CD5: variants seen among roughly 807,000 people sequenced by gnomAD.
CD5 encodes T-cell surface glycoprotein CD5.
Under a neutral mutation model 60.3 loss-of-function variants are expected in CD5, and 36 were observed. The ratio of observed to expected loss-of-function variants is 0.60; its 90% CI spans 0.46 to 0.79. The LOEUF is 0.79. CD5 is among the 30% of genes least tolerant of loss of function. CD5 has a pLI of 0.00. For synonymous variants in CD5, 230 were observed against 257.6 expected, an observed-to-expected ratio of 0.89 and a Z score of 1.03; for missense variants, 540 against 630.6, an observed-to-expected ratio of 0.86 and a Z score of 1.54.
chr11:61,112,345 C>T (rs1212507977), intron 1 of CD5, among the ~76,000 whole-genome samples: 1 of 152,128 alleles, frequency 6.6e-6, no homozygotes. Context: ...CTGCCCACTG[C>T]AATAGATCAG....
Position 61,119,446 on chromosome 11 carries a change from G to A in CD5, c.676G>A (p.Glu226Lys), listed in dbSNP as rs867419988. 1 of 1,614,216 alleles carries A rather than the reference G, an allele frequency of 6.2e-7. No homozygotes were observed. The highest frequency in any genetic ancestry group is 1.3e-5 in the African/African-American group (1 of 75,070). The change falls in exon 5 of 11, where the codon GAG becomes AAG. Residue 226 changes from glutamate to lysine, a missense_variant. Physicochemically the swap from Glu to Lys is moderately conservative, Grantham distance 56. Coordinates refer to ENST00000347785, the MANE Select transcript of CD5 (RefSeq NM_014207.4). ...TEAGRAQDPGEPREHQPLPIQ... is the reference protein window; with the variant it reads ...TEAGRAQDPGKPREHQPLPIQ... ...GGCAGGCAGAGCCCAAGACCCAGGG[G>A]AGCCACGGGAACACCAGCCCTTGCC...
chr11:61,114,454 G>GCATGCATA (rs1860906598), intron 1 of CD5, among the ~76,000 whole-genome samples: 2 of 151,154 alleles, frequency 1.3e-5, no homozygotes, highest in African/African-American at 4.9e-5. Flanking sequence ...ACACATACAT[G>GCATGCATA]CATACATACA....
chr11:61,104,062 G>C (rs944417162), intron 1 of CD5, among the ~76,000 whole-genome samples: 1 of 127,184 alleles, frequency 7.9e-6, no homozygotes, highest in African/African-American at 3.4e-5. Context: ...GTGTGAGTCT[G>C]TGTGTGAGTC....
chr11:61,118,125 G>A lies in CD5; in HGVS notation c.95-50G>A. Reference sequence around the variant, plus strand: ...AGGGAGAGGGCAGTGAGGGGTGCCAGTGGGGAACCCCTCCCAGCCTGACCC... The same window carrying A: ...AGGGAGAGGGCAGTGAGGGGTGCCAATGGGGAACCCCTCCCAGCCTGACCC... On this transcript the variant is annotated intron_variant, in intron 2 of 10. Coordinates refer to ENST00000347785, the MANE Select transcript of CD5 (RefSeq NM_014207.4). The surrounding 1 kb of genome is among the most constrained non-coding windows in gnomAD (Gnocchi z 4.7). 1 of 1,566,342 alleles carries A rather than the reference G, an allele frequency of 6.4e-7. No individual in the cohort carries two copies. Among genetic ancestry groups the A allele is most frequent in the Non-Finnish European group, 8.7e-7 (1 of 1,147,384 alleles).
Position 61,127,744 on chromosome 11 carries a change from T to C in CD5, c.*1459T>C, listed in dbSNP as rs1861172764. ...GCCAGTGTCTCCCATCAGTGCCTTT[T>C]TTAATAAAAGCTCTTTCATCTATAG... On this transcript the variant is annotated 3_prime_UTR_variant, in exon 11 of 11. Transcript: ENST00000347785. 6.6e-6 allele frequency: 1 copy of C among 152,192 alleles called. No homozygotes were observed. Among genetic ancestry groups the C allele is most frequent in the South Asian group, 2.1e-4 (1 of 4,824 alleles). The allele number at this position is 152,192 out of a possible 1,614,324, so 9.4% of individuals were successfully genotyped here.
chr11:61,116,430 C>T (rs1860946811), intron 2 of CD5, among the ~76,000 whole-genome samples: 1 of 143,992 alleles, frequency 6.9e-6, no homozygotes, highest in African/African-American at 2.6e-5. Flanking sequence ...CACACAACCA[C>T]ACCACACACA....
rs1472877031 is a variant in CD5 at position 61,118,838 on chromosome 11, G to A, written c.401-77G>A. The stretch of plus-strand genomic sequence containing the variant: ...GCGGCACTCATGCCAGGAGCTCCTG[G>A]TCCTCTCAAGGCTGCTGGCTGCCCC... On this transcript the variant is annotated intron_variant, in intron 3 of 10. Transcript: ENST00000347785. This position sits in a 1 kb window ranked among gnomAD's most constrained non-coding sequence, Gnocchi z 4.7. The A allele has an allele frequency of 3.5e-5, 35 of 1,004,900 alleles. No homozygotes were observed. The Admixed American group carries it at 6.8e-4, about 19-fold the overall frequency. The allele number at this position is 1,004,900 out of a possible 1,614,324, so 62.2% of individuals were successfully genotyped here.
chr11:61,099,021 C>T (rs1860620406), upstream of CD5, among the ~76,000 whole-genome samples: 1 of 152,086 alleles, frequency 6.6e-6, no homozygotes, highest in Non-Finnish European at 1.5e-5. Flanking sequence ...CATCTGGGAG[C>T]ACAAAGGATG....
intron 1 of CD5, among the ~76,000 whole-genome samples, chr11:61,114,329 G>C (rs1205536408): frequency 6.6e-6 from 1 of 151,998 alleles, no homozygotes; most frequent in Non-Finnish European, 1.5e-5. Context: ...TGAGTGCTGT[G>C]GCTCACACAT....
upstream of CD5, chr11:61,102,259 T>C (rs935182372): frequency 2.2e-6 from 1 of 444,578 alleles, no homozygotes; most frequent in African/African-American, 2.0e-5. Flanking sequence ...CCCTCCAGGA[T>C]GCATGGCCTT....
At chr11:61,098,610 C>G (rs1292216348), upstream of CD5, among the ~76,000 whole-genome samples, 1 of 152,172 alleles carries the variant, frequency 6.6e-6, no homozygotes, top group Non-Finnish European at 1.5e-5. Context: ...CTGTTCCATT[C>G]TAATTATCAG....
Position 61,118,917 on chromosome 11 carries a change from C to G in CD5, c.403C>G (p.Pro135Ala). The stretch of plus-strand genomic sequence containing the variant: ...CTCACCAGAGTGTCTCATTGCAGAA[C>G]CCCAGAAGACAACACCTCCAACGAC... Reference protein sequence around the residue: ...CHSLGLTCLEPQKTTPPTTRP... With the variant: ...CHSLGLTCLEAQKTTPPTTRP... Residue 135 changes from proline (P) to alanine (A), a missense_variant and splice_region_variant, in exon 4 of 11, where the codon CCC (proline) becomes GCC (alanine). Physicochemically the swap from Pro to Ala is conservative, Grantham distance 27 (BLOSUM62 -1). Transcript: ENST00000347785. This position sits in a 1 kb window ranked among gnomAD's most constrained non-coding sequence, Gnocchi z 4.7. The G allele has an allele frequency of 6.2e-7, 1 of 1,613,554 alleles. No homozygotes were observed. The highest frequency in any genetic ancestry group is 8.5e-7 in the Non-Finnish European group (1 of 1,179,610).
At chr11:61,123,812 T>TGGC in intron 7 of CD5, 72 bp from the exon 8 acceptor site, 1 of 339,970 alleles carries the variant, frequency 2.9e-6, no homozygotes, top group Non-Finnish European at 5.5e-6. Flanking sequence ...CCCAGCCCCA[T>TGGC]CCCCACCCCT....
At position 61,119,314 on chromosome 11, in the gene CD5, GGGGGTACCATCAGCTATGA is replaced by G; in HGVS notation, c.547_565del (p.Gly183ProfsTer22). On this transcript the variant is annotated frameshift_variant, in exon 5 of 11. Transcript: ENST00000347785. LOFTEE classifies it high-confidence loss of function. ...GGTGGAGTTCTACAGCGGCAGCCTGGGGGGTACCATCAGCTATGAGGCCCAGGACAAGACCCAGGACCTG... is the reference window on the plus strand; with the variant it reads ...GGTGGAGTTCTACAGCGGCAGCCTGGGGCCCAGGACAAGACCCAGGACCTG... The G allele has an allele frequency of 1.2e-6, 2 of 1,613,976 alleles. No individual in the cohort carries two copies. The highest frequency in any genetic ancestry group is 1.7e-6 in the Non-Finnish European group (2 of 1,180,032).
chr11:61,121,046 G>A (rs1421849032), intron 5 of CD5, among the ~76,000 whole-genome samples: 1 of 152,214 alleles, frequency 6.6e-6, no homozygotes, highest in Non-Finnish European at 1.5e-5. Flanking sequence ...AGAAATAAAT[G>A]TGTGCCTCTG....
chr11:61,118,608 A>C lies in CD5; in HGVS notation c.400+128A>C. 1.2e-6 allele frequency: 1 copy of C among 859,082 alleles called. No homozygotes were observed. The highest frequency in any genetic ancestry group is 2.6e-5 in the Admixed American group (1 of 38,010). 53.2% of individuals were successfully genotyped at this position (859,082 alleles called of 1,614,324 possible). On this transcript the variant is annotated intron_variant, in intron 3 of 10. Transcript: ENST00000347785. This position sits in a 1 kb window ranked among gnomAD's most constrained non-coding sequence, Gnocchi z 4.7. ...GGTGGGGGGACCCCAGTTTATAACC[A>C]CTCCCCAAGACACATACCCAGGAGG...
chr11:61,114,939 T>A, intron 1 of CD5, 117 bp from the exon 2 acceptor site: 6 of 880,844 alleles, frequency 6.8e-6, no homozygotes, highest in Non-Finnish European at 1.0e-5. Flanking sequence ...CTAAAACCCA[T>A]GATAGTGGAT....
At chr11:61,116,019 TC>T (rs1213652381) in intron 2 of CD5, among the ~76,000 whole-genome samples, 1 of 152,152 alleles carries the variant, frequency 6.6e-6, no homozygotes, top group Non-Finnish European at 1.5e-5. Context: ...TGAGACGCGC[TC>T]GTTCTCCCTC....
At position 61,119,569 on chromosome 11, in the gene CD5, T is replaced by C; in HGVS notation, c.799T>C (p.Cys267Arg). The stretch of plus-strand genomic sequence containing the variant: ...AAGTGGCCGAGTTCTTGCCCTCCTT[T>C]GCTCAGGTAAGTGAGACCTGGCCAA... The part of the protein sequence containing the change: ...QKSGRVLALL[C>R]SGFQPKVQSR... The change falls in exon 5 of 11, where the codon TGC becomes CGC. Residue 267 changes from cysteine to arginine, a missense_variant. By Grantham distance (180) the Cys-to-Arg change is radical (BLOSUM62 -3). Coordinates refer to ENST00000347785, the MANE Select transcript of CD5 (RefSeq NM_014207.4). The C allele has an allele frequency of 6.2e-7, 1 of 1,607,222 alleles. No homozygotes were observed. Among genetic ancestry groups the C allele is most frequent in the Non-Finnish European group, 8.5e-7 (1 of 1,177,918 alleles).
Sources: gnomAD v4.1 joint callset for allele counts (sites outside exome capture counted in the v4.1 genomes callset) on GRCh38, gnomAD v4.1.1 for gene constraint, Gnocchi (gnomAD v3.1) non-coding constraint, MANE v1.5 for transcripts, NCBI Gene and HGNC (gene_info 2026-07-23, HGNC 2026-07-21) for gene names.